OSTF1: variants seen among roughly 807,000 people sequenced by gnomAD.
OSTF1 encodes osteoclast-stimulating factor 1.
A neutral mutation model predicts 37.2 loss-of-function variants in OSTF1; 27 were observed. The ratio of observed to expected loss-of-function variants is 0.73; its 90% CI spans 0.54 to 1.00. OSTF1 has a LOEUF of 1.00. Among genes scored for constraint, OSTF1 ranks in the 50% least tolerant of loss-of-function variants. OSTF1 has a pLI of 0.00. For synonymous variants in OSTF1, 82 were observed against 89.2 expected (o/e 0.92, Z 0.46); for missense variants, 232 against 253.8 (o/e 0.91, Z 0.58).
chr9:75,088,821 C>T (rs1824868949), intron 1 of OSTF1, 95 bp downstream of exon 1: 2 of 1,255,502 alleles, frequency 1.6e-6, no homozygotes, highest in Middle Eastern at 2.4e-4. Context: ...GGCGCGCACC[C>T]GGCCCCGAGC....
At chr9:75,144,337 A>C (rs887993678) in intron 9 of OSTF1, among the ~76,000 whole-genome samples, 2 of 152,098 alleles carry the variant, frequency 1.3e-5, no homozygotes, top group African/African-American at 4.8e-5. Flanking sequence ...GATTGCTTGC[A>C]TCTGGGAGTT....
chr9:75,122,489 T>C (rs1825596060), intron 2 of OSTF1, among the ~76,000 whole-genome samples: 1 of 152,172 alleles, frequency 6.6e-6, no homozygotes, highest in Non-Finnish European at 1.5e-5. Flanking sequence ...TACTGTACTA[T>C]AGGGGTAGGG....
chr9:75,094,635 C>CAGAACCCA (rs1825040600), intron 1 of OSTF1, among the ~76,000 whole-genome samples: 5 of 151,526 alleles, frequency 3.3e-5, no homozygotes, highest in Non-Finnish European at 7.4e-5. Context: ...GTTGTCCTCA[C>CAGAACCCA]TTGCTTAATG....
chr9:75,114,227 C>A (rs1825442154), intron 1 of OSTF1, among the ~76,000 whole-genome samples: 1 of 152,120 alleles, frequency 6.6e-6, no homozygotes, highest in Non-Finnish European at 1.5e-5. Context: ...TTAGGTTGAT[C>A]TCCTATGTTG....
intron 9 of OSTF1, among the ~76,000 whole-genome samples, chr9:75,141,327 A>G (rs1825940683): frequency 6.6e-6 from 1 of 151,022 alleles, no homozygotes; most frequent in African/African-American, 2.4e-5. Flanking sequence ...AAAAAAAAAA[A>G]AAAAAAAAAA....
At chr9:75,098,441 G>T (rs1312851150) in intron 1 of OSTF1, among the ~76,000 whole-genome samples, 1 of 151,736 alleles carries the variant, frequency 6.6e-6, no homozygotes, top group Admixed American at 6.6e-5. Flanking sequence ...TTCTTTTCTT[G>T]TAGCTGTCTA....
chr9:75,131,702 G>T (rs1405041300), intron 4 of OSTF1, 68 bp from the exon 5 acceptor site: 4 of 1,157,998 alleles, frequency 3.5e-6, no homozygotes, highest in South Asian at 1.2e-5. Flanking sequence ...TGTGGTGAAT[G>T]AGTGGCTTCA....
chr9:75,098,811 A>T (rs1825135711), intron 1 of OSTF1, among the ~76,000 whole-genome samples: 1 of 152,182 alleles, frequency 6.6e-6, no homozygotes, highest in African/African-American at 2.4e-5. Context: ...GATTCCAGAG[A>T]GGAGGGTTTT....
At chr9:75,089,076 A>G (rs1413808829) in intron 1 of OSTF1, among the ~76,000 whole-genome samples, 2 of 152,058 alleles carry the variant, frequency 1.3e-5, no homozygotes, top group Admixed American at 6.6e-5. Flanking sequence ...AAAAAATGTC[A>G]TGAAATGATC....
chr9:75,117,541 A>T lies in OSTF1; in HGVS notation c.72A>T (p.Glu24Asp). 6.2e-7 allele frequency: 1 copy of T among 1,608,816 alleles called. No individual in the cohort carries two copies. The highest frequency in any genetic ancestry group is 1.7e-4 in the Middle Eastern group (1 of 6,058). The change falls in exon 2 of 10, where the codon GAA (glutamate) becomes GAT (aspartate). Residue 24 changes from glutamate to aspartate, a missense_variant. Coordinates refer to ENST00000346234, the MANE Select transcript of OSTF1 (RefSeq NM_012383.5). ...VKVFRALYTF[E>D]PRTPDELYFE... ...TCTTCAGAGCCCTGTATACGTTTGA[A>T]CCCAGAACTGTAAGTGTTCAGTTTT...
rs1052189598 is a variant in OSTF1, at chr9:75,131,968, A to C, written c.250+145A>C. The C allele has an allele frequency of 4.7e-6, 3 of 633,244 alleles. No individual in the cohort carries two copies. The African/African-American group carries it at 5.4e-5, about 11-fold the overall frequency. The allele number at this position is 633,244 out of a possible 1,614,324, so 39.2% of individuals were successfully genotyped here. A position where few individuals can be genotyped will look rare whatever the true frequency, so the allele number is the denominator to read the frequency against. On this transcript the variant is annotated intron_variant, in intron 5 of 9. Coordinates refer to ENST00000346234, the MANE Select transcript of OSTF1 (RefSeq NM_012383.5). Reference sequence around the variant, plus strand: ...TGCCATCCTAGAAAGTTCCCTTTGCACCTTCTCAGTTAAATCCCTGCCTTA... The same window carrying C: ...TGCCATCCTAGAAAGTTCCCTTTGCCCCTTCTCAGTTAAATCCCTGCCTTA...
intron 8 of OSTF1, among the ~76,000 whole-genome samples, chr9:75,139,027 C>CTTCTTTCTTTCTTTCTTTCCTTCTTTCT (rs1825886576): frequency 8.3e-6 from 1 of 120,502 alleles, no homozygotes; most frequent in African/African-American, 3.2e-5. Context: ...TTTGGGGACA[C>CTTCTTTCTTTCTTTCTTTCCTTCTTTCT]TTCTTTCTTT....
At chr9:75,142,801 T>A (rs1384598999) in intron 9 of OSTF1, among the ~76,000 whole-genome samples, 3 of 152,214 alleles carry the variant, frequency 2.0e-5, no homozygotes, top group African/African-American at 7.2e-5. Context: ...TTTAAAATGT[T>A]TTTTCTTGCT....
intron 1 of OSTF1, among the ~76,000 whole-genome samples, chr9:75,116,068 C>T (rs1825483317): frequency 6.6e-6 from 1 of 152,016 alleles, no homozygotes; most frequent in Non-Finnish European, 1.5e-5. Context: ...TGTGCCACTG[C>T]ACTCCAGCCT....
rs537199122 is a variant in OSTF1 at position 75,142,652 on chromosome 9, T to A, written c.586+1720T>A. Among the ~76,000 whole-genome samples, 4 of 152,280 alleles carry A rather than the reference T, an allele frequency of 2.6e-5. No homozygotes were observed. The South Asian group carries it at 6.2e-4, about 24-fold the overall frequency. ...CAGGGCTGGGAGGCAGGTACTCTTT[T>A]CTCTGTGCACCCCAAGTGTGTTTAG... is the stretch of plus-strand genomic sequence containing the variant. On this transcript the variant is annotated intron_variant, in intron 9 of 9. Coordinates refer to ENST00000346234, the MANE Select transcript of OSTF1 (RefSeq NM_012383.5).
intron 9 of OSTF1, among the ~76,000 whole-genome samples, chr9:75,143,822 T>C (rs1825981100): frequency 6.6e-6 from 1 of 152,104 alleles, no homozygotes; most frequent in Admixed American, 6.6e-5. Context: ...AGATACAGGC[T>C]CATCACACAA....
At chr9:75,115,469 T>C (rs988921127) in intron 1 of OSTF1, among the ~76,000 whole-genome samples, 1 of 152,010 alleles carries the variant, frequency 6.6e-6, no homozygotes, top group African/African-American at 2.4e-5. Flanking sequence ...TTTTTATCTT[T>C]AATAGAGATG....
chr9:75,130,143 T>G (rs933750694), intron 3 of OSTF1, among the ~76,000 whole-genome samples: 19 of 152,176 alleles, frequency 1.2e-4, no homozygotes, highest in African/African-American at 4.6e-4. Context: ...TTCTACTTTT[T>G]TGTAAGTTTA....
chr9:75,105,693 T>G (rs1269819564), intron 1 of OSTF1, among the ~76,000 whole-genome samples: 1 of 151,954 alleles, frequency 6.6e-6, no homozygotes, highest in Non-Finnish European at 1.5e-5. Context: ...TTTCCCAAGG[T>G]CTCCTCAGAC....
Sources: allele counts gnomAD v4.1 joint callset (sites outside exome capture counted in the v4.1 genomes callset), GRCh38; gene constraint gnomAD v4.1.1; transcripts MANE v1.5; gene names NCBI Gene and HGNC (gene_info 2026-07-23, HGNC 2026-07-21).